Variants in KCNMB3 observed in about 807,000 individuals in gnomAD.
The protein encoded by KCNMB3 is potassium calcium-activated channel subfamily M regulatory beta subunit 3.
In KCNMB3, 18 loss-of-function variants were observed where a neutral mutation model predicts 11.9. That is an observed-to-expected ratio of 1.51 (90% confidence interval 1.04 to 2.23). KCNMB3 has a LOEUF of 2.23. KCNMB3 is among the 30% of genes most tolerant of loss of function. The pLI is 0.00. For synonymous variants in KCNMB3, 78 were observed against 119.2 expected (o/e 0.65, Z 2.25); for missense variants, 247 against 329.4 (o/e 0.75, Z 1.94).
downstream of KCNMB3, chr3:179,241,121 A>C (rs1476693310): frequency 1.3e-5 from 2 of 152,096 alleles, no homozygotes; most frequent in Non-Finnish European, 2.9e-5. Context: ...ACCAAGGCTC[A>C]CTGAATGTTA....
rs944393266 is a variant in KCNMB3, at chr3:179,259,121, C to T, written c.62+7528G>A. 6 of 1,582,650 alleles carry T rather than the reference C, an allele frequency of 3.8e-6. No individual in the cohort carries two copies. In the Admixed American group the frequency reaches 1.1e-4, roughly 29 times the overall value. ...AGTCCCCCGGCTCTCCTCCTGGTGC[C>T]AACAAGTCATGGTTTTTTAGGCTAT... On this transcript the variant is annotated intron_variant, in intron 1 of 3. Transcript: ENST00000349697.
intron 1 of KCNMB3, among the ~76,000 whole-genome samples, chr3:179,247,933 TGGCTGTCCAAAAAAAAAAG>T (rs1258993238): frequency 6.6e-6 from 1 of 151,924 alleles, no homozygotes; most frequent in Non-Finnish European, 1.5e-5. Context: ...TGTTGCTCTT[TGGCTGTCCAAAAAAAAAAG>T]GGCTGTCCAA....
At chr3:179,266,825 C>T (rs1726383681) in exon 1 of KCNMB3, 2 of 1,469,400 alleles carry the variant, frequency 1.4e-6, no homozygotes, top group Admixed American at 2.4e-5. Flanking sequence ...AGCCCCCAGC[C>T]CCCAGCGCAG....
chr3:179,250,668 G>C, intron 1 of KCNMB3, 75 bp downstream of exon 1: 1 of 1,454,600 alleles, frequency 6.9e-7, no homozygotes, highest in Non-Finnish European at 9.5e-7. Context: ...ACCAAAGCCA[G>C]CCTCTCCTCC....
At chr3:179,265,658 A>T (rs1205861799) in intron 1 of KCNMB3, among the ~76,000 whole-genome samples, 1 of 152,152 alleles carries the variant, frequency 6.6e-6, no homozygotes, top group Non-Finnish European at 1.5e-5. Context: ...GGGTTTCACC[A>T]TGTTGGCCAG....
chr3:179,252,819 T>C (rs1284961974), upstream of KCNMB3, among the ~76,000 whole-genome samples: 1 of 150,098 alleles, frequency 6.7e-6, no homozygotes, highest in Non-Finnish European at 1.5e-5. Flanking sequence ...GCAACCTCCG[T>C]CTCCCGGGTT....
intron 1 of KCNMB3, among the ~76,000 whole-genome samples, chr3:179,262,027 G>T (rs1029333916): frequency 1.3e-5 from 2 of 152,172 alleles, no homozygotes; most frequent in African/African-American, 2.4e-5. Context: ...CACGGAAAAT[G>T]TAACAATGCT....
chr3:179,247,378 T>C (rs974198308), intron 1 of KCNMB3, among the ~76,000 whole-genome samples: 8 of 149,632 alleles, frequency 5.3e-5, no homozygotes, highest in African/African-American at 2.0e-4. Context: ...AAGGAGTAAA[T>C]GAAAAAGAGG....
chr3:179,261,918 G>A (rs1411197637), intron 1 of KCNMB3, among the ~76,000 whole-genome samples: 3 of 152,126 alleles, frequency 2.0e-5, no homozygotes, highest in African/African-American at 7.2e-5. Flanking sequence ...AAATTTATAG[G>A]CAAAATGTAA....
chr3:179,249,007 CTT>C (rs1169837939), intron 1 of KCNMB3, among the ~76,000 whole-genome samples: 5 of 89,864 alleles, frequency 5.6e-5, no homozygotes, highest in Admixed American at 1.3e-4. Context: ...GACCCCGTCT[CTT>C]TTTTTTTTTT....
chr3:179,264,618 G>A (rs558265579), intron 1 of KCNMB3, among the ~76,000 whole-genome samples: 1 of 152,276 alleles, frequency 6.6e-6, no homozygotes, highest in East Asian at 1.9e-4. Context: ...TTCTGGCTTA[G>A]CCTGAGGCAA....
upstream of KCNMB3, among the ~76,000 whole-genome samples, chr3:179,253,420 A>G (rs1725913336): frequency 6.6e-6 from 1 of 152,218 alleles, no homozygotes; most frequent in South Asian, 2.1e-4. Flanking sequence ...CCAAGGCTTT[A>G]TGAAAAGTTG....
chr3:179,244,787 G>T, intron 1 of KCNMB3, 94 bp from the exon 2 acceptor site: 1 of 1,064,482 alleles, frequency 9.4e-7, no homozygotes, highest in Non-Finnish European at 1.4e-6. Flanking sequence ...CAATGCCCAA[G>T]GCATTTGTGT....
intron 1 of KCNMB3, among the ~76,000 whole-genome samples, chr3:179,261,490 G>A (rs937901154): frequency 6.6e-6 from 1 of 151,706 alleles, no homozygotes; most frequent in African/African-American, 2.4e-5. Context: ...CGGGGCGTAG[G>A]TGGCCGCGGG....
chr3:179,249,007 C>T (rs1329511746), intron 1 of KCNMB3, among the ~76,000 whole-genome samples: 1 of 89,874 alleles, frequency 1.1e-5, no homozygotes, highest in East Asian at 2.9e-4. Flanking sequence ...GACCCCGTCT[C>T]TTTTTTTTTT....
chr3:179,245,917 G>C (rs1487590339), intron 1 of KCNMB3, among the ~76,000 whole-genome samples: 1 of 152,212 alleles, frequency 6.6e-6, no homozygotes, highest in Non-Finnish European at 1.5e-5. Context: ...ATGTTGAAGA[G>C]AAAGGACATG....
chr3:179,265,048 A>C (rs1262380281), intron 1 of KCNMB3, among the ~76,000 whole-genome samples: 1 of 152,228 alleles, frequency 6.6e-6, no homozygotes, highest in African/African-American at 2.4e-5. Flanking sequence ...TGATGACAAC[A>C]CAACTGCCTT....
chr3:179,265,616 C>A (rs1726351133), intron 1 of KCNMB3, among the ~76,000 whole-genome samples: 2 of 152,140 alleles, frequency 1.3e-5, no homozygotes, highest in Admixed American at 1.3e-4. Flanking sequence ...CACCACCATG[C>A]CCAGCTAATT....
At chr3:179,262,501 T>C (rs756479185) in intron 1 of KCNMB3, among the ~76,000 whole-genome samples, 1 of 152,178 alleles carries the variant, frequency 6.6e-6, no homozygotes, top group Non-Finnish European at 1.5e-5. Context: ...GAACGAGCAG[T>C]ACCAAGATTT....
Sources: allele counts gnomAD v4.1 joint callset (sites outside exome capture counted in the v4.1 genomes callset), GRCh38; gene constraint gnomAD v4.1.1; transcripts MANE v1.5; gene names NCBI Gene and HGNC (gene_info 2026-07-23, HGNC 2026-07-21).